The following CRACDL variants were observed in gnomAD, a reference collection of about 807,000 sequenced individuals.
The protein encoded by CRACDL is CRACD like.
In CRACDL, 26 loss-of-function variants were observed where a neutral mutation model predicts 70.6. The observed-to-expected ratio is 0.37, with a 90% confidence interval of 0.27 to 0.51. The LOEUF (loss-of-function observed/expected upper bound fraction) is 0.51. CRACDL is among the 20% of genes least tolerant of loss of function. The pLI is 0.94. For synonymous variants in CRACDL, 618 were observed against 615.2 expected (o/e 1.00, Z -0.07); for missense variants, 1,283 against 1,376.9 (o/e 0.93, Z 1.08).
intron 1 of CRACDL, among the ~76,000 whole-genome samples, chr2:98,926,458 T>G (rs903169812): frequency 6.6e-6 from 1 of 152,150 alleles, no homozygotes; most frequent in Middle Eastern, 3.2e-3. Context: ...GAACAGTCCA[T>G]CTCTGAAGGG....
At position 98,821,943 on chromosome 2, in the gene CRACDL, G is replaced by C; in HGVS notation, c.2330C>G (p.Pro777Arg). The change falls in exon 7 of 10, where the codon CCC becomes CGC. Residue 777 changes from proline to arginine, a missense_variant. Coordinates refer to ENST00000397899, the MANE Select transcript of CRACDL (RefSeq NM_207362.3). ...TCCCGGGCCGGCGTCGGGGGGCGCG[G>C]GCTGGTGCGGGAGCGTGAAGCTCTG... is the stretch of plus-strand genomic sequence containing the variant. ...LLQSFTLPHQ[P>R]APPDAGPGER... The C allele has an allele frequency of 1.3e-6, 2 of 1,557,062 alleles. No individual in the cohort carries two copies. Among genetic ancestry groups the C allele is most frequent in the Non-Finnish European group, 1.7e-6 (2 of 1,155,000 alleles).
At chr2:98,840,972 A>T (rs962191013) in intron 2 of CRACDL, among the ~76,000 whole-genome samples, 3 of 152,142 alleles carry the variant, frequency 2.0e-5, no homozygotes. Flanking sequence ...AGCATTTCAG[A>T]CTTTGGATTT....
At chr2:98,910,132 C>T (rs1465371787) in intron 1 of CRACDL, among the ~76,000 whole-genome samples, 1 of 152,150 alleles carries the variant, frequency 6.6e-6, no homozygotes, top group Non-Finnish European at 1.5e-5. Context: ...TCAGAGACCT[C>T]TTACCAAGGG....
rs1304138035 is a variant in CRACDL at position 98,894,898 on chromosome 2, G to A, written c.-11+41040C>T. On this transcript the variant is annotated intron_variant, in intron 1 of 9. Transcript: ENST00000397899. The stretch of plus-strand genomic sequence containing the variant: ...AGGTGGGAGGATTACCTGAGCTCAG[G>A]AGTTCAGGACCAGCCTTGGCAACAT... Among the ~76,000 whole-genome samples the A allele has an allele frequency of 3.3e-5, 5 of 152,234 alleles. No individual in the cohort carries two copies. In the South Asian group the frequency reaches 1.0e-3, roughly 32 times the overall value.
At chr2:98,933,483 T>C (rs913178056) in intron 1 of CRACDL, among the ~76,000 whole-genome samples, 1 of 152,120 alleles carries the variant, frequency 6.6e-6, no homozygotes, top group Admixed American at 6.5e-5. Flanking sequence ...ACTGAGTATA[T>C]GAAAAAGGGA....
chr2:98,849,305 G>A (rs891809994), intron 1 of CRACDL, among the ~76,000 whole-genome samples: 4 of 152,190 alleles, frequency 2.6e-5, no homozygotes, highest in African/African-American at 9.7e-5. Context: ...TTAACACTCT[G>A]GAGAAACCAT....
intron 2 of CRACDL, among the ~76,000 whole-genome samples, chr2:98,842,868 T>TTGTGTGTGTGTGTGTGTG (rs67398751): frequency 8.3e-5 from 12 of 144,968 alleles, no homozygotes; most frequent in Non-Finnish European, 1.2e-4. Context: ...TTGCTATAGT[T>TTGTGTGTGTGTGTGTGTG]TGTGTGTGTG....
chr2:98,918,579 C>A (rs1385000271), intron 1 of CRACDL, among the ~76,000 whole-genome samples: 1 of 116,712 alleles, frequency 8.6e-6, no homozygotes, highest in South Asian at 3.0e-4. Flanking sequence ...GTTCCCTTTT[C>A]TCCTCATCCA....
At chr2:98,879,409 G>T (rs771637832) in intron 1 of CRACDL, among the ~76,000 whole-genome samples, 1 of 152,186 alleles carries the variant, frequency 6.6e-6, no homozygotes, top group Non-Finnish European at 1.5e-5. Flanking sequence ...GGGTTGGCCT[G>T]GTTCGACATC....
intron 2 of CRACDL, among the ~76,000 whole-genome samples, chr2:98,844,223 T>G (rs1364867408): frequency 1.3e-5 from 2 of 152,248 alleles, no homozygotes; most frequent in African/African-American, 4.8e-5. Flanking sequence ...TAAATAGAGA[T>G]AGTTTTATTT....
At chr2:98,800,732 T>C (rs1704040712) in intron 7 of CRACDL, among the ~76,000 whole-genome samples, 1 of 152,232 alleles carries the variant, frequency 6.6e-6, no homozygotes, top group South Asian at 2.1e-4. Context: ...AACTGAAGTA[T>C]GCCTTTGGTC....
chr2:98,856,273 AT>A (rs1397368115), intron 1 of CRACDL, among the ~76,000 whole-genome samples: 2 of 152,216 alleles, frequency 1.3e-5, no homozygotes, highest in Non-Finnish European at 2.9e-5. Context: ...CTAATTTCTT[AT>A]CAGAAACATT....
At chr2:98,804,148 G>C (rs1396686866) in intron 7 of CRACDL, among the ~76,000 whole-genome samples, 1 of 152,202 alleles carries the variant, frequency 6.6e-6, no homozygotes, top group Non-Finnish European at 1.5e-5. Context: ...GTGGAACTCA[G>C]GGTGGTAATG....
intron 5 of CRACDL, among the ~76,000 whole-genome samples, 172 bp downstream of exon 5, chr2:98,832,176 C>G (rs1348907218): frequency 2.0e-5 from 3 of 152,156 alleles, no homozygotes; most frequent in African/African-American, 7.2e-5. Context: ...AATTTCTACT[C>G]AAAGAATGAA....
Position 98,823,499 on chromosome 2 carries a change from G to T in CRACDL, c.774C>A (p.Thr258=). 6.3e-7 allele frequency: 1 copy of T among 1,593,694 alleles called. No homozygotes were observed. Among genetic ancestry groups the T allele is most frequent in the East Asian group, 2.2e-5 (1 of 44,584 alleles). Residue 258 remains threonine, a synonymous_variant, in exon 7 of 10, where the codon ACC becomes ACA. Coordinates refer to ENST00000397899, the MANE Select transcript of CRACDL (RefSeq NM_207362.3). The surrounding 1 kb of genome is among the most constrained non-coding windows in gnomAD (Gnocchi z 4.0). Reference sequence around the variant, plus strand: ...TCTCCTCGTTTTCCTCCTCCTCTGGGGTGCACGTCAGGTCGCTCAGGGATT... The same window carrying T: ...TCTCCTCGTTTTCCTCCTCCTCTGGTGTGCACGTCAGGTCGCTCAGGGATT... ...QSESLSDLTC[T]PEEEENEEKP...
chr2:98,869,824 A>G (rs577404914), intron 1 of CRACDL, among the ~76,000 whole-genome samples: 1 of 152,306 alleles, frequency 6.6e-6, no homozygotes, highest in African/African-American at 2.4e-5. Context: ...GTGTTACCTC[A>G]GGTCCTTGAT....
chr2:98,872,985 T>C (rs1015109973), intron 1 of CRACDL, among the ~76,000 whole-genome samples: 4 of 152,216 alleles, frequency 2.6e-5, no homozygotes, highest in Non-Finnish European at 5.9e-5. Flanking sequence ...GAAGCTCCAA[T>C]AGTTTCTTTT....
In CRACDL at chr2:98,822,709, G is replaced by A; in HGVS notation, c.1564C>T (p.Pro522Ser). The A allele has an allele frequency of 7.9e-7, 1 of 1,263,874 alleles. No individual in the cohort carries two copies. The highest frequency in any genetic ancestry group is 9.9e-7 in the Non-Finnish European group (1 of 1,008,336). The allele number at this position is 1,263,874 out of a possible 1,614,324, so 78.3% of individuals were successfully genotyped here. Reference protein sequence around the residue: ...SPPLAAAESPPVEPGPGSLDA... With the variant: ...SPPLAAAESPSVEPGPGSLDA... ...AGGGAACCGGGGCCGGGCTCCACCG[G>A]GGGAGACTCCGCAGCGGCAAGCGGC... is the stretch of plus-strand genomic sequence containing the variant. Residue 522 changes from proline to serine, a missense_variant, in exon 7 of 10, where the codon CCG becomes TCG. This residue lies in a region of CRACDL where 921 missense variants were observed against 881.9 expected (regional missense o/e 1.04). Transcript: ENST00000397899. This position sits in a 1 kb window ranked among gnomAD's most constrained non-coding sequence, Gnocchi z 4.9.
Position 98,891,376 on chromosome 2 carries a change from C to CAAAAAAAAAAAAAAAA in CRACDL, c.-11+44546_-11+44561dup, listed in dbSNP as rs548988640. Among the ~76,000 whole-genome samples the CAAAAAAAAAAAAAAAA allele has an allele frequency of 7.1e-3, 268 of 37,886 alleles. 35 individuals carry two copies. The highest frequency in any genetic ancestry group is 0.011 in the African/African-American group (98 of 9,228). The allele number at this position is 37,886 out of a possible 152,430, so 24.9% of individuals were successfully genotyped here. A position where few individuals can be genotyped will look rare whatever the true frequency, so the allele number is the denominator to read the frequency against. On this transcript the variant is annotated intron_variant, in intron 1 of 9. Transcript: ENST00000397899. ...TGGGTGACAGAGGGAGACTCCGTCTCAAAAAAAAAAAAAAAAAAAAAAAAA... is the reference window on the plus strand; with the variant it reads ...TGGGTGACAGAGGGAGACTCCGTCTCAAAAAAAAAAAAAAAAAAAAAAAAAAAAAAAAAAAAAAAAA...
Sources: gnomAD v4.1 joint callset for allele counts (sites outside exome capture counted in the v4.1 genomes callset) on GRCh38, gnomAD v4.1.1 for gene constraint, gnomAD v4.1.1 regional missense constraint, Gnocchi (gnomAD v3.1) non-coding constraint, MANE v1.5 for transcripts, NCBI Gene and HGNC (gene_info 2026-07-23, HGNC 2026-07-21) for gene names.